The following RIMS1 variants were observed in gnomAD, a reference collection of about 807,000 sequenced individuals.
RIMS1 encodes regulating synaptic membrane exocytosis 1, also known as regulating synaptic membrane exocytosis protein 1.
In RIMS1, 83 loss-of-function variants were observed where a neutral mutation model predicts 214.1. The ratio of observed to expected loss-of-function variants is 0.39; its 90% CI spans 0.32 to 0.47. RIMS1 has a LOEUF of 0.47. Ranked by LOEUF, RIMS1 falls within the 20% of genes least tolerant of loss-of-function variation. The probability of loss-of-function intolerance (pLI) is 0.99; values close to 1 mark genes in which losing one functional copy is unlikely to be tolerated. For synonymous variants in RIMS1, 793 were observed against 786.8 expected (o/e 1.01, Z -0.13); for missense variants, 2,050 against 2,161.8 (o/e 0.95, Z 1.03).
chr6:72,355,533 T>C (rs1170254201), intron 29 of RIMS1, among the ~76,000 whole-genome samples: 1 of 152,184 alleles, frequency 6.6e-6, no homozygotes, highest in Non-Finnish European at 1.5e-5. Context: ...ATTGTGTTAT[T>C]ATTCCTCTTT....
In RIMS1 at chr6:72,252,771, A is replaced by G; in HGVS notation, c.2709A>G (p.Arg903=). 1.3e-6 allele frequency: 2 copies of G among 1,558,966 alleles called. No homozygotes were observed. ...SSSKKLQRSQ[R]ISDSDISDYE... ...CTTACTGTTGTGCAGGATCTCAGCG[A>G]ATCAGTGATAGTGACATCTCAGATT... The change falls in exon 16 of 34, where the codon CGA becomes CGG. Residue 903 remains arginine (R), a synonymous_variant. Transcript: ENST00000521978.
intron 1 of RIMS1, among the ~76,000 whole-genome samples, chr6:71,964,085 T>G (rs1223688091): frequency 2.0e-5 from 3 of 151,988 alleles, no homozygotes; most frequent in Non-Finnish European, 2.9e-5. Context: ...CTGGATGTGG[T>G]GAGGGGAGCA....
At chr6:71,959,360 C>T (rs1792228051) in intron 1 of RIMS1, among the ~76,000 whole-genome samples, 1 of 152,070 alleles carries the variant, frequency 6.6e-6, no homozygotes, top group Non-Finnish European at 1.5e-5. Context: ...CACCAAGGAA[C>T]CATTGTGGGA....
chr6:71,947,627 A>G (rs1788274244), intron 1 of RIMS1, among the ~76,000 whole-genome samples: 1 of 152,110 alleles, frequency 6.6e-6, no homozygotes, highest in Admixed American at 6.6e-5. Flanking sequence ...GATTTATATT[A>G]CATCATGATG....
At chr6:72,172,690 G>T (rs1166599951) in intron 4 of RIMS1, among the ~76,000 whole-genome samples, 1 of 152,180 alleles carries the variant, frequency 6.6e-6, no homozygotes, top group Non-Finnish European at 1.5e-5. Flanking sequence ...TACTTGATGG[G>T]AAATGTTCTT....
At chr6:71,923,985 T>A (rs1338864173) in intron 1 of RIMS1, among the ~76,000 whole-genome samples, 1 of 152,268 alleles carries the variant, frequency 6.6e-6, no homozygotes, top group Non-Finnish European at 1.5e-5. Flanking sequence ...AATCATGTTA[T>A]ACATTTTCCC....
chr6:72,097,268 C>A, intron 3 of RIMS1, 106 bp downstream of exon 3: 1 of 973,556 alleles, frequency 1.0e-6, no homozygotes, highest in Non-Finnish European at 1.6e-6. Context: ...TGTGCATAAA[C>A]ATACACGTTA....
intron 1 of RIMS1, among the ~76,000 whole-genome samples, chr6:71,941,975 A>G (rs761596516): frequency 1.3e-5 from 2 of 152,198 alleles, no homozygotes; most frequent in African/African-American, 2.4e-5. Flanking sequence ...TTGAAAGAAC[A>G]AATCCTTGGT....
chr6:72,016,737 G>A (rs1812890775), intron 2 of RIMS1, among the ~76,000 whole-genome samples: 1 of 151,976 alleles, frequency 6.6e-6, no homozygotes, highest in Non-Finnish European at 1.5e-5. Context: ...AACTGTATTT[G>A]ACAGAAAGAG....
At chr6:72,347,975 C>A (rs2097323202) in intron 29 of RIMS1, among the ~76,000 whole-genome samples, 1 of 151,916 alleles carries the variant, frequency 6.6e-6, no homozygotes, top group Admixed American at 6.6e-5. Context: ...CACAACAGTG[C>A]ATTTAATGCA....
chr6:72,022,642 G>C (rs1461001976), intron 2 of RIMS1, among the ~76,000 whole-genome samples: 3 of 152,164 alleles, frequency 2.0e-5, no homozygotes, highest in African/African-American at 7.2e-5. Flanking sequence ...TGTTAAGTAT[G>C]TTTAAGAAGA....
At chr6:72,272,418 T>C (rs1258223908) in intron 22 of RIMS1, among the ~76,000 whole-genome samples, 1 of 152,158 alleles carries the variant, frequency 6.6e-6, no homozygotes, top group East Asian at 1.9e-4. Flanking sequence ...TTGTATCCAC[T>C]GTATGTGGGA....
At chr6:72,059,391 C>T (rs924399880) in intron 2 of RIMS1, among the ~76,000 whole-genome samples, 3 of 152,080 alleles carry the variant, frequency 2.0e-5, no homozygotes, top group Admixed American at 2.0e-4. Flanking sequence ...CCACACCCTG[C>T]TAATTTTTTA....
intron 2 of RIMS1, among the ~76,000 whole-genome samples, chr6:71,985,320 G>T (rs1015069431): frequency 6.6e-6 from 1 of 152,144 alleles, no homozygotes; most frequent in Admixed American, 6.5e-5. Flanking sequence ...GAGCCCAGGA[G>T]TTCAAGGTTA....
intron 2 of RIMS1, among the ~76,000 whole-genome samples, chr6:71,987,107 G>A (rs1800221217): frequency 6.6e-6 from 1 of 152,168 alleles, no homozygotes; most frequent in Non-Finnish European, 1.5e-5. Context: ...TATGGTAGAG[G>A]TGATGGATTA....
At chr6:72,344,157 A>G (rs1176782578) in intron 29 of RIMS1, among the ~76,000 whole-genome samples, 1 of 151,818 alleles carries the variant, frequency 6.6e-6, no homozygotes, top group African/African-American at 2.4e-5. Context: ...AAGTCATGAA[A>G]TAAATCAAAT....
At chr6:71,909,020 C>T (rs183590568) in intron 1 of RIMS1, among the ~76,000 whole-genome samples, 2 of 152,224 alleles carry the variant, frequency 1.3e-5, no homozygotes, top group Admixed American at 6.5e-5. Context: ...GGCAGAGTCT[C>T]GCTTTGTTGC....
chr6:72,084,951 T>C (rs887809328), intron 2 of RIMS1, among the ~76,000 whole-genome samples: 1 of 152,174 alleles, frequency 6.6e-6, no homozygotes, highest in Non-Finnish European at 1.5e-5. Flanking sequence ...TGTAGAATGA[T>C]AGTCATCTGC....
At chr6:72,245,783 A>C in intron 10 of RIMS1, 32 bp from the exon 11 acceptor site, 2 of 1,579,856 alleles carry the variant, frequency 1.3e-6, no homozygotes, top group Non-Finnish European at 1.7e-6. Flanking sequence ...CATTTAACTA[A>C]TGGGATTTTC....
Sources: gnomAD v4.1 joint callset for allele counts (sites outside exome capture counted in the v4.1 genomes callset) on GRCh38, gnomAD v4.1.1 for gene constraint, MANE v1.5 for transcripts, NCBI Gene and HGNC (gene_info 2026-07-23, HGNC 2026-07-21) for gene names.